The following DNAJC5G variants were observed in gnomAD, a reference collection of about 807,000 sequenced individuals.
The protein encoded by DNAJC5G is dnaJ homolog subfamily C member 5G.
Under a neutral mutation model 19.1 loss-of-function variants are expected in DNAJC5G, and 13 were observed. The ratio of observed to expected loss-of-function variants is 0.68; its 90% CI spans 0.44 to 1.08. The LOEUF (loss-of-function observed/expected upper bound fraction) is 1.08, where lower values mean the gene tolerates loss of function less well. DNAJC5G is among the 50% of genes least tolerant of loss of function. The pLI is 0.00. For missense variants in DNAJC5G, 245 were observed against 230.4 expected (o/e 1.06, Z -0.41); for synonymous variants, 81 against 84.4 (o/e 0.96, Z 0.22).
At position 27,281,167 on chromosome 2, in the gene DNAJC5G, C is replaced by G. The variant is rs1427589164; in HGVS notation, c.*757C>G. ...AAGTTCAAACATCAGTGCCAGCTTG[C>G]CTCCATCCTTTTCACATATTATGCA... On this transcript the variant is annotated 3_prime_UTR_variant, in exon 7 of 7. Coordinates refer to ENST00000296097, the MANE Select transcript of DNAJC5G (RefSeq NM_173650.3). 6.6e-6 allele frequency: 1 copy of G among 152,362 alleles called. No homozygotes were observed. Among genetic ancestry groups the G allele is most frequent in the Non-Finnish European group, 1.5e-5 (1 of 68,054 alleles). The allele number at this position is 152,362 out of a possible 1,614,324, so 9.4% of individuals were successfully genotyped here.
intron 5 of DNAJC5G, among the ~76,000 whole-genome samples, chr2:27,278,975 A>G (rs1010167417): frequency 4.0e-5 from 6 of 149,186 alleles, no homozygotes; most frequent in Admixed American, 4.0e-4. Flanking sequence ...ACTGCACTCC[A>G]GCTTGGGCAA....
At chr2:27,277,614 C>A (rs1249694201) in intron 3 of DNAJC5G, 140 bp from the exon 4 acceptor site, 1 of 1,163,780 alleles carries the variant, frequency 8.6e-7, no homozygotes, top group Admixed American at 2.2e-5. Context: ...CCAAATGGCA[C>A]CATCACCCTC....
At position 27,278,020 on chromosome 2, in the gene DNAJC5G, A is replaced by G. The variant is rs1173004500; in HGVS notation, c.375+5A>G. The G allele has an allele frequency of 6.2e-7, 1 of 1,613,358 alleles. No individual in the cohort carries two copies. The highest frequency in any genetic ancestry group is 1.1e-5 in the South Asian group (1 of 91,024). ...CTGAATAGTTGTTGGTTCAAGGTAC[A>G]CAATTCTCCAGGTCCTTTAAGAATA... On this transcript the variant is annotated splice_donor_5th_base_variant and intron_variant, in intron 4 of 6. Coordinates refer to ENST00000296097, the MANE Select transcript of DNAJC5G (RefSeq NM_173650.3).
rs1288258088 is a variant in DNAJC5G, at chr2:27,277,814, G to C, written c.174G>C (p.Leu58Phe). The change falls in exon 4 of 7, where the codon TTG becomes TTC. Residue 58 changes from leucine (L) to phenylalanine (F), a missense_variant. Physicochemically the swap from Leu to Phe is conservative, Grantham distance 22. Coordinates refer to ENST00000296097, the MANE Select transcript of DNAJC5G (RefSeq NM_173650.3). Reference protein sequence around the residue: ...FEYHLGRKLALRYHPDKNPGN... With the variant: ...FEYHLGRKLAFRYHPDKNPGN... The stretch of plus-strand genomic sequence containing the variant: ...ATCACCTGGGTAGGAAACTGGCCTT[G>C]CGGTATCATCCCGACAAGAATCCAG... The C allele has an allele frequency of 1.9e-6, 3 of 1,614,118 alleles. No individual in the cohort carries two copies. The Admixed American group carries it at 5.0e-5, about 27-fold the overall frequency.
In DNAJC5G at chr2:27,278,175, G is replaced by T. The variant is rs11901826; in HGVS notation, c.376-13G>T. Reference sequence around the variant, plus strand: ...AAACTGCTGGACTGAGGCCATTCTCGCCTACCTTTTAGACACTTGTCATCC... The same window carrying T: ...AAACTGCTGGACTGAGGCCATTCTCTCCTACCTTTTAGACACTTGTCATCC... On this transcript the variant is annotated splice_polypyrimidine_tract_variant and intron_variant, in intron 4 of 6. Transcript: ENST00000296097. 1.9e-6 allele frequency: 3 copies of T among 1,614,040 alleles called. No individual in the cohort carries two copies.
At chr2:27,280,261 TATCAG>T in intron 6 of DNAJC5G, 28 bp downstream of exon 6, 1 of 1,585,942 alleles carries the variant, frequency 6.3e-7, no homozygotes, top group Non-Finnish European at 8.7e-7. Flanking sequence ...CAGCAACAGT[TATCAG>T]ATAAGAAAAG....
At chr2:27,275,864 C>T (rs961717381) in intron 1 of DNAJC5G, 1 of 121,754 alleles carries the variant, frequency 8.2e-6, no homozygotes, top group African/African-American at 3.6e-5. Flanking sequence ...CAAGCACTCC[C>T]CACCCCCGCC....
intron 5 of DNAJC5G, among the ~76,000 whole-genome samples, chr2:27,278,824 G>A (rs1208698377): frequency 1.3e-5 from 2 of 151,588 alleles, no homozygotes; most frequent in Non-Finnish European, 2.9e-5. Flanking sequence ...GACCAACATG[G>A]TGAAACCCTG....
At chr2:27,278,391 A>G (rs74567825) in intron 5 of DNAJC5G, 59 bp downstream of exon 5, 2 of 1,601,286 alleles carry the variant, frequency 1.2e-6, no homozygotes, top group East Asian at 2.2e-5. Context: ...AATGAAAGAA[A>G]TGATTGGGGT....
chr2:27,275,501 T>G lies in DNAJC5G; in HGVS notation c.-338T>G, dbSNP rs1677980886. On this transcript the variant is annotated 5_prime_UTR_variant, in exon 1 of 7. Coordinates refer to ENST00000296097, the MANE Select transcript of DNAJC5G (RefSeq NM_173650.3). ...TGCTGGACCCGGCCGGTGTGAAGTT[T>G]CACACCCAAAAGGATGAAGGGCACC... The G allele has an allele frequency of 3.0e-6, 1 of 332,540 alleles. No individual in the cohort carries two copies. The highest frequency in any genetic ancestry group is 5.9e-6 in the Non-Finnish European group (1 of 168,512). The allele number at this position is 332,540 out of a possible 1,614,324, so 20.6% of individuals were successfully genotyped here.
intron 5 of DNAJC5G, among the ~76,000 whole-genome samples, chr2:27,279,324 G>A (rs1262030931): frequency 2.9e-5 from 2 of 69,554 alleles, no homozygotes; most frequent in African/African-American, 1.3e-4. Flanking sequence ...GTGTTGAGAT[G>A]TAGTCTCAGT....
chr2:27,276,463 T>G, intron 2 of DNAJC5G, 76 bp downstream of exon 2: 1 of 380,590 alleles, frequency 2.6e-6, no homozygotes, highest in Non-Finnish European at 4.8e-6. Context: ...CTCTAGGATG[T>G]GGGATATCTA....
intron 3 of DNAJC5G, 53 bp from the exon 4 acceptor site, chr2:27,277,701 C>G (rs1678167797): frequency 6.2e-7 from 1 of 1,603,792 alleles, no homozygotes; most frequent in East Asian, 2.2e-5. Context: ...TGCATTCCTT[C>G]TGCACTCTCT....
chr2:27,276,679 C>T (rs746633419), intron 2 of DNAJC5G, 47 bp from the exon 3 acceptor site: 3 of 1,577,606 alleles, frequency 1.9e-6, no homozygotes, highest in Non-Finnish European at 2.6e-6. Context: ...TTCTCGGTAC[C>T]CTTACTTGTA....
intron 5 of DNAJC5G, among the ~76,000 whole-genome samples, 173 bp from the exon 6 acceptor site, chr2:27,279,988 AAAAGG>A (rs1032608689): frequency 2.3e-4 from 35 of 152,050 alleles, no homozygotes; most frequent in African/African-American, 6.3e-4. Flanking sequence ...GGAAGAAAAG[AAAAGG>A]AAAGTCTGAG....
chr2:27,280,055 G>A (rs907965530), intron 5 of DNAJC5G, 111 bp from the exon 6 acceptor site: 8 of 951,266 alleles, frequency 8.4e-6, no homozygotes, highest in African/African-American at 3.3e-5. Flanking sequence ...TGACACCAGC[G>A]CCACCTGGTG....
chr2:27,280,410 C>A lies in DNAJC5G; in HGVS notation c.*19-19C>A. 1 of 579,548 alleles carries A rather than the reference C, an allele frequency of 1.7e-6. No individual in the cohort carries two copies. The highest frequency in any genetic ancestry group is 3.0e-6 in the Non-Finnish European group (1 of 329,958). The allele number at this position is 579,548 out of a possible 1,614,324, so 35.9% of individuals were successfully genotyped here. A position where few individuals can be genotyped will look rare whatever the true frequency, so the allele number is the denominator to read the frequency against. ...TTATTCCTTCTGATTAATAAAGCGC[C>A]ACCTTCTTCCGCCACTAGGTGCTGA... On this transcript the variant is annotated intron_variant, in intron 6 of 6. Coordinates refer to ENST00000296097, the MANE Select transcript of DNAJC5G (RefSeq NM_173650.3).
chr2:27,280,151 A>C lies in DNAJC5G; in HGVS notation c.521-15A>C. 1.2e-6 allele frequency: 2 copies of C among 1,612,766 alleles called. No individual in the cohort carries two copies. The highest frequency in any genetic ancestry group is 1.1e-5 in the South Asian group (1 of 91,046). Reference sequence around the variant, plus strand: ...AACGTTTGTATATGTAAACATATATATAATTCCATCATAGGAGCCAAATGT... The same window carrying C: ...AACGTTTGTATATGTAAACATATATCTAATTCCATCATAGGAGCCAAATGT... On this transcript the variant is annotated splice_polypyrimidine_tract_variant and intron_variant, in intron 5 of 6. Coordinates refer to ENST00000296097, the MANE Select transcript of DNAJC5G (RefSeq NM_173650.3).
intron 3 of DNAJC5G, among the ~76,000 whole-genome samples, chr2:27,277,141 C>T (rs1441702154): frequency 6.6e-6 from 1 of 152,160 alleles, no homozygotes; most frequent in Non-Finnish European, 1.5e-5. Context: ...AGGGTTTCGC[C>T]ATGTTGGCCA....
Sources: allele counts gnomAD v4.1 joint callset (sites outside exome capture counted in the v4.1 genomes callset), GRCh38; gene constraint gnomAD v4.1.1; transcripts MANE v1.5; gene names NCBI Gene and HGNC (gene_info 2026-07-23, HGNC 2026-07-21).